Variants in SNX9 observed in about 807,000 individuals in gnomAD.
SNX9 encodes the protein sorting nexin 9, also known as sorting nexin-9.
In SNX9, 44 loss-of-function variants were observed where a neutral mutation model predicts 89.4. The ratio of observed to expected loss-of-function variants is 0.49; its 90% CI spans 0.39 to 0.63. The LOEUF (loss-of-function observed/expected upper bound fraction) is 0.63, where lower values mean the gene tolerates loss of function less well. Among genes scored for constraint, SNX9 ranks in the 30% least tolerant of loss-of-function variants. The pLI is 0.00. For missense variants in SNX9, 578 were observed against 736.1 expected (o/e 0.79, Z 2.49); for synonymous variants, 236 against 247.8 (o/e 0.95, Z 0.45).
Position 157,940,932 on chromosome 6 carries a change from C to A in SNX9, c.1698C>A (p.Val566=). Residue 566 remains valine (V), a synonymous_variant, in exon 17 of 18, where the codon GTC becomes GTA. Transcript: ENST00000392185. ...HSNRIYDYNS[V]IRLYLEQQVQ... ...ACCGGATCTATGATTACAACAGTGT[C>A]ATCCGCCTGTACCTGGAGCAGCAAG... The A allele has an allele frequency of 6.2e-7, 1 of 1,614,198 alleles. No homozygotes were observed. Among genetic ancestry groups the A allele is most frequent in the South Asian group, 1.1e-5 (1 of 91,068 alleles).
At chr6:157,885,448 G>A (rs1264576915) in intron 4 of SNX9, 2 of 152,142 alleles carry the variant, frequency 1.3e-5, no homozygotes, top group African/African-American at 2.4e-5. Context: ...AGCTAAAGTG[G>A]TTAGATTTTT....
At chr6:157,940,824 AG>A in intron 16 of SNX9, 58 bp from the exon 17 acceptor site, 1 of 1,440,822 alleles carries the variant, frequency 6.9e-7, no homozygotes, top group Non-Finnish European at 9.8e-7. Flanking sequence ...CAGAGAAACC[AG>A]GTGTTGTCAT....
chr6:157,916,138 C>G (rs1783466286), intron 9 of SNX9, among the ~76,000 whole-genome samples: 1 of 151,868 alleles, frequency 6.6e-6, no homozygotes, highest in Admixed American at 6.6e-5. Flanking sequence ...GGGTTCACAC[C>G]ATTTTCGTGC....
intron 4 of SNX9, among the ~76,000 whole-genome samples, chr6:157,895,162 T>C (rs1405661642): frequency 1.3e-5 from 2 of 152,252 alleles, no homozygotes; most frequent in Non-Finnish European, 2.9e-5. Flanking sequence ...TGAGGTGGAA[T>C]TGGGCTCTTT....
chr6:157,866,659 C>G (rs36061569), intron 1 of SNX9, among the ~76,000 whole-genome samples: 4 of 152,100 alleles, frequency 2.6e-5, no homozygotes, highest in African/African-American at 9.7e-5. Flanking sequence ...ACACACTGCC[C>G]TATGTAAGTC....
intron 4 of SNX9, among the ~76,000 whole-genome samples, chr6:157,880,646 G>A (rs570013917): frequency 2.6e-5 from 4 of 152,284 alleles, no homozygotes; most frequent in African/African-American, 9.6e-5. Flanking sequence ...GAGTGCCATC[G>A]TGAGCCACAG....
intron 4 of SNX9, among the ~76,000 whole-genome samples, chr6:157,895,771 C>T (rs748310533): frequency 3.9e-5 from 6 of 152,088 alleles, no homozygotes; most frequent in Non-Finnish European, 8.8e-5. Flanking sequence ...TTATAGTAGG[C>T]CATTGTTTCA....
chr6:157,914,304 T>G (rs9458847), intron 9 of SNX9, among the ~76,000 whole-genome samples: 38,964 of 151,838 alleles, frequency 0.26, 5,383 homozygotes, highest in African/African-American at 0.35. Flanking sequence ...GTGCTGAAGC[T>G]TCTGTTCAGC....
chr6:157,910,166 T>C lies in SNX9; in HGVS notation c.949+141T>C, dbSNP rs1399635278. 5.8e-6 allele frequency: 4 copies of C among 688,374 alleles called. No homozygotes were observed. The African/African-American group carries it at 7.2e-5, about 12-fold the overall frequency. 42.6% of individuals were successfully genotyped at this position (688,374 alleles called of 1,614,324 possible). A position where few individuals can be genotyped will look rare whatever the true frequency, so the allele number is the denominator to read the frequency against. On this transcript the variant is annotated intron_variant, in intron 9 of 17. Transcript: ENST00000392185. The stretch of plus-strand genomic sequence containing the variant: ...TGGAAACAGTAATTAAATACAGCTA[T>C]GAAGAGAGAACCATTGCATGTTGTA...
intron 9 of SNX9, among the ~76,000 whole-genome samples, chr6:157,917,378 C>T (rs989337465): frequency 6.6e-6 from 1 of 151,932 alleles, no homozygotes; most frequent in African/African-American, 2.4e-5. Context: ...AATATAGAAA[C>T]TTAGATTATT....
intron 2 of SNX9, among the ~76,000 whole-genome samples, chr6:157,868,978 T>G (rs949359148): frequency 6.6e-6 from 1 of 152,248 alleles, no homozygotes. Flanking sequence ...TCACTCATAC[T>G]TAATGTGTGT....
At chr6:157,836,979 A>C (rs747929631) in intron 1 of SNX9, among the ~76,000 whole-genome samples, 12 of 152,180 alleles carry the variant, frequency 7.9e-5, no homozygotes, top group Non-Finnish European at 1.6e-4. Context: ...TGAGGGATGG[A>C]AAAATAAAAG....
intron 7 of SNX9, among the ~76,000 whole-genome samples, chr6:157,908,462 G>C (rs894169286): frequency 7.2e-5 from 11 of 152,168 alleles, no homozygotes; most frequent in Non-Finnish European, 1.5e-4. Flanking sequence ...CTATTGCTCT[G>C]AAATGTGTTT....
At chr6:157,853,638 C>T (rs917687326) in intron 1 of SNX9, among the ~76,000 whole-genome samples, 19 of 152,184 alleles carry the variant, frequency 1.2e-4, no homozygotes, top group South Asian at 2.1e-4. Context: ...CCTTACTATC[C>T]GGTGAAGTAG....
intron 1 of SNX9, among the ~76,000 whole-genome samples, chr6:157,854,186 T>TA (rs1338061777): frequency 2.6e-5 from 4 of 152,252 alleles, no homozygotes; most frequent in Non-Finnish European, 5.9e-5. Context: ...TAAACTTTAC[T>TA]ATATTTGTAT....
intron 12 of SNX9, among the ~76,000 whole-genome samples, chr6:157,931,610 C>A (rs1434212819): frequency 2.0e-5 from 3 of 152,202 alleles, no homozygotes; most frequent in African/African-American, 7.2e-5. Flanking sequence ...AAAACTCAGA[C>A]CCCTCTTCCC....
At chr6:157,928,516 T>G (rs41268575) in intron 11 of SNX9, 83 bp from the exon 12 acceptor site, 2 of 1,022,900 alleles carry the variant, frequency 2.0e-6, no homozygotes, top group Non-Finnish European at 1.5e-6. Context: ...AAAACAAGTG[T>G]CTGTGGTTAT....
chr6:157,889,060 G>A (rs929553279), intron 4 of SNX9, among the ~76,000 whole-genome samples: 2 of 152,186 alleles, frequency 1.3e-5, no homozygotes, highest in African/African-American at 4.8e-5. Flanking sequence ...AAACCTGAGT[G>A]AAGGAGCCGA....
chr6:157,883,700 T>C (rs1443811022), intron 4 of SNX9, among the ~76,000 whole-genome samples: 1 of 152,212 alleles, frequency 6.6e-6, no homozygotes, highest in Admixed American at 6.5e-5. Flanking sequence ...ATTTGTACCT[T>C]TGGCTTGCTC....
Sources: gnomAD v4.1 joint callset for allele counts (sites outside exome capture counted in the v4.1 genomes callset) on GRCh38, gnomAD v4.1.1 for gene constraint, MANE v1.5 for transcripts, NCBI Gene and HGNC (gene_info 2026-07-23, HGNC 2026-07-21) for gene names.